Variants in CYP4F22 observed in about 807,000 individuals in gnomAD.
CYP4F22 encodes cytochrome P450 family 4 subfamily F member 22.
A neutral mutation model predicts 60.4 loss-of-function variants in CYP4F22; 37 were observed. The observed-to-expected ratio is 0.61, with a 90% CI of 0.47 to 0.81. The LOEUF (loss-of-function observed/expected upper bound fraction) is 0.81. Ranked by LOEUF, CYP4F22 falls within the 30% of genes least tolerant of loss-of-function variation. The pLI, the probability that CYP4F22 is intolerant of heterozygous loss-of-function variation, is 0.00. For synonymous variants in CYP4F22, 258 were observed against 280.5 expected (o/e 0.92, Z 0.80); for missense variants, 655 against 715.0 (o/e 0.92, Z 0.96).
intron 1 of CYP4F22, among the ~76,000 whole-genome samples, chr19:15,511,891 G>A (rs571014727): frequency 2.1e-4 from 32 of 152,342 alleles, no homozygotes; most frequent in African/African-American, 7.5e-4. Context: ...GGCGTGGGCC[G>A]GGACACGGAG....
intron 1 of CYP4F22, among the ~76,000 whole-genome samples, chr19:15,520,669 C>A (rs1466733295): frequency 6.6e-6 from 1 of 152,076 alleles, no homozygotes; most frequent in African/African-American, 2.4e-5. Context: ...CTCACTGCAA[C>A]CTCCGCCTCC....
Position 15,523,130 on chromosome 19 carries a change from G to A in CYP4F22, c.-108-563G>A, listed in dbSNP as rs181464839. Among the ~76,000 whole-genome samples the A allele has an allele frequency of 1.7e-3, 258 of 149,542 alleles. 1 individual carries two copies. Among genetic ancestry groups the A allele is most frequent in the African/African-American group, 5.6e-3 (227 of 40,844 alleles). ...AGCACTTTGGGAGGCTGAGGTGGGC[G>A]GATCACTTGAGGTCAGGAGTTCAAG... is the stretch of plus-strand genomic sequence containing the variant. On this transcript the variant is annotated intron_variant, in intron 1 of 13. Coordinates refer to ENST00000269703, the MANE Select transcript of CYP4F22 (RefSeq NM_173483.4).
At chr19:15,544,750 A>G (rs1475026964) in intron 10 of CYP4F22, among the ~76,000 whole-genome samples, 1 of 152,176 alleles carries the variant, frequency 6.6e-6, no homozygotes, top group Admixed American at 6.5e-5. Context: ...AGAAGCACAA[A>G]AAGCCATGAA....
intron 1 of CYP4F22, among the ~76,000 whole-genome samples, chr19:15,509,512 C>T (rs976073929): frequency 9.2e-5 from 14 of 152,140 alleles, no homozygotes; most frequent in Admixed American, 6.5e-5. Flanking sequence ...CTGGCAGCAT[C>T]AAACTCCTTC....
At chr19:15,515,705 A>G (rs111649772) in intron 1 of CYP4F22, among the ~76,000 whole-genome samples, 7,715 of 150,908 alleles carry the variant, frequency 0.051, 659 homozygotes, top group African/African-American at 0.17. Context: ...CAGCCTGGGC[A>G]ACAGAGCGAG....
At chr19:15,541,396 C>G (rs1971460237) in intron 8 of CYP4F22, among the ~76,000 whole-genome samples, 1 of 152,174 alleles carries the variant, frequency 6.6e-6, no homozygotes, top group Non-Finnish European at 1.5e-5. Flanking sequence ...CTGTGCCTGT[C>G]TCTGTCTTCG....
intron 4 of CYP4F22, among the ~76,000 whole-genome samples, chr19:15,534,982 C>CTTGT (rs1269724621): frequency 2.0e-5 from 3 of 152,140 alleles, no homozygotes; most frequent in African/African-American, 7.2e-5. Context: ...AGTGAATGAA[C>CTTGT]TTGTACTTTA....
At chr19:15,520,971 G>T (rs1971218342) in intron 1 of CYP4F22, among the ~76,000 whole-genome samples, 1 of 151,910 alleles carries the variant, frequency 6.6e-6, no homozygotes, top group Non-Finnish European at 1.5e-5. Context: ...GTTTCACCAT[G>T]TTAACCAGCA....
intron 1 of CYP4F22, among the ~76,000 whole-genome samples, chr19:15,511,930 T>A (rs1320761255): frequency 2.0e-5 from 3 of 152,080 alleles, no homozygotes; most frequent in Non-Finnish European, 4.4e-5. Flanking sequence ...CACCACCAGA[T>A]AATGCGGGCC....
chr19:15,546,610 A>G (rs1201647593), intron 10 of CYP4F22, among the ~76,000 whole-genome samples: 1 of 151,890 alleles, frequency 6.6e-6, no homozygotes, highest in East Asian at 1.9e-4. Flanking sequence ...GCTAATTTAA[A>G]GAAACTAATC....
chr19:15,528,852 A>G (rs1157320850), intron 3 of CYP4F22, among the ~76,000 whole-genome samples: 6 of 152,234 alleles, frequency 3.9e-5, no homozygotes, highest in African/African-American at 1.4e-4. Flanking sequence ...TGTATGTGGT[A>G]AAGATAGCAA....
intron 4 of CYP4F22, among the ~76,000 whole-genome samples, chr19:15,536,369 T>C (rs1426425120): frequency 6.6e-6 from 1 of 152,058 alleles, no homozygotes; most frequent in Non-Finnish European, 1.5e-5. Flanking sequence ...TTATGTGGTG[T>C]TAGTTCTGTG....
chr19:15,524,389 C>A (rs907680034), intron 2 of CYP4F22, among the ~76,000 whole-genome samples: 4 of 152,216 alleles, frequency 2.6e-5, no homozygotes, highest in African/African-American at 4.8e-5. Flanking sequence ...GTAGCTCATG[C>A]GTGTAATCCC....
Position 15,525,513 on chromosome 19 carries a change from C to A in CYP4F22, c.177C>A (p.Phe59Leu). 1 of 1,612,186 alleles carries A rather than the reference C, an allele frequency of 6.2e-7. No individual in the cohort carries two copies. Among genetic ancestry groups the A allele is most frequent in the Non-Finnish European group, 8.5e-7 (1 of 1,179,874 alleles). ...FYITCRRLRC[F>L]PQPPRRNWLL... ...TCACCTGCCGCCGGCTGCGCTGCTT[C>A]CCCCAGCCTCCCCGGCGCAACTGGC... Residue 59 changes from phenylalanine to leucine, a missense_variant, in exon 3 of 14, where the codon TTC becomes TTA. Physicochemically the swap from Phe to Leu is conservative, Grantham distance 22. Coordinates refer to ENST00000269703, the MANE Select transcript of CYP4F22 (RefSeq NM_173483.4).
intron 4 of CYP4F22, among the ~76,000 whole-genome samples, chr19:15,537,027 G>A (rs943547003): frequency 3.3e-5 from 5 of 152,192 alleles, no homozygotes; most frequent in Non-Finnish European, 7.3e-5. Context: ...GGCCAGGCAC[G>A]ATGGCTCGTG....
intron 3 of CYP4F22, 79 bp from the exon 4 acceptor site, chr19:15,529,630 A>G: frequency 6.3e-7 from 1 of 1,583,234 alleles, no homozygotes; most frequent in Non-Finnish European, 8.6e-7. Context: ...TTTTGAGACT[A>G]CAGGAGGTGG....
intron 10 of CYP4F22, among the ~76,000 whole-genome samples, chr19:15,546,598 C>G (rs1487422775): frequency 2.6e-5 from 4 of 151,794 alleles, no homozygotes; most frequent in African/African-American, 9.7e-5. Flanking sequence ...GAAAGAGAAC[C>G]TGCTAATTTA....
intron 4 of CYP4F22, among the ~76,000 whole-genome samples, chr19:15,531,203 C>T (rs1971339119): frequency 6.6e-6 from 1 of 151,852 alleles, no homozygotes; most frequent in African/African-American, 2.4e-5. Context: ...CTAGCAAGAC[C>T]CCATCTGTAC....
In CYP4F22 at chr19:15,525,503, T is replaced by C. The variant is rs1971272660; in HGVS notation, c.167T>C (p.Leu56Pro). Residue 56 changes from leucine to proline, a missense_variant, in exon 3 of 14, where the codon CTG becomes CCG. By Grantham distance (98) the Leu-to-Pro change is moderately conservative. This residue lies in a region of CYP4F22 where 430 missense variants were observed against 457.1 expected (regional missense o/e 0.94). Coordinates refer to ENST00000269703, the MANE Select transcript of CYP4F22 (RefSeq NM_173483.4). ...CRSFYITCRR[L>P]RCFPQPPRRN... is the part of the protein sequence containing the mutation. ...AGCTTCTACATCACCTGCCGCCGGC[T>C]GCGCTGCTTCCCCCAGCCTCCCCGG... 1 of 1,613,194 alleles carries C rather than the reference T, an allele frequency of 6.2e-7. No individual in the cohort carries two copies. The highest frequency in any genetic ancestry group is 8.5e-7 in the Non-Finnish European group (1 of 1,179,908).
Sources: gnomAD v4.1 joint callset for allele counts (sites outside exome capture counted in the v4.1 genomes callset) on GRCh38, gnomAD v4.1.1 for gene constraint, gnomAD v4.1.1 regional missense constraint, MANE v1.5 for transcripts, NCBI Gene and HGNC (gene_info 2026-07-23, HGNC 2026-07-21) for gene names.